XKR6: variants seen among roughly 807,000 people sequenced by gnomAD.
XKR6 encodes the protein XK related 6.
XKR6 carries 22 observed loss-of-function variants against 56.7 expected under a neutral mutation model. The observed-to-expected ratio is 0.39, with a 90% CI of 0.28 to 0.55. XKR6 has a LOEUF of 0.55. Among genes scored for constraint, XKR6 ranks in the 20% least tolerant of loss-of-function variants. The probability of loss-of-function intolerance (pLI) is 0.66; values close to 1 mark genes in which losing one functional copy is unlikely to be tolerated. For synonymous variants in XKR6, 524 were observed against 387.8 expected (o/e 1.35, Z -4.13); for missense variants, 852 against 889.0 (o/e 0.96, Z 0.53).
Position 10,966,071 on chromosome 8 carries a change from G to C in XKR6, c.765-41241C>G, listed in dbSNP as rs372565839. ...AACCTCGGGTACATCCAGATAACTT[G>C]GGTGGGGAGGAGGATTGCTAAAACA... On this transcript the variant is annotated intron_variant, in intron 1 of 2. Transcript: ENST00000416569. Among the ~76,000 whole-genome samples the C allele has an allele frequency of 4.6e-5, 7 of 152,322 alleles. No individual in the cohort carries two copies. The East Asian group carries it at 7.7e-4, about 17-fold the overall frequency.
At chr8:11,058,505 C>T (rs150560271) in intron 1 of XKR6, among the ~76,000 whole-genome samples, 1 of 152,074 alleles carries the variant, frequency 6.6e-6, no homozygotes. Context: ...TACTATGCAG[C>T]CATAAAAAAG....
At chr8:10,992,688 C>T (rs1280076526) in intron 1 of XKR6, among the ~76,000 whole-genome samples, 1 of 152,148 alleles carries the variant, frequency 6.6e-6, no homozygotes, top group Non-Finnish European at 1.5e-5. Context: ...GAACAATTCC[C>T]TGACCTCTTC....
intron 1 of XKR6, among the ~76,000 whole-genome samples, chr8:10,949,600 C>T (rs1219819181): frequency 6.6e-5 from 10 of 152,242 alleles, no homozygotes; most frequent in Non-Finnish European, 1.2e-4. Flanking sequence ...CGGGGTACAC[C>T]GTTAGTGCCC....
chr8:11,004,407 G>A (rs1392871901), intron 1 of XKR6, among the ~76,000 whole-genome samples: 1 of 152,148 alleles, frequency 6.6e-6, no homozygotes, highest in Non-Finnish European at 1.5e-5. Flanking sequence ...AGGAGGCGGA[G>A]GTTGCAGTGA....
chr8:11,052,643 C>A (rs1799580489), intron 1 of XKR6, among the ~76,000 whole-genome samples: 1 of 152,116 alleles, frequency 6.6e-6, no homozygotes, highest in Non-Finnish European at 1.5e-5. Flanking sequence ...TCTCTCTCCC[C>A]CTGGTTTTCT....
chr8:11,059,373 G>T (rs962801173), intron 1 of XKR6, among the ~76,000 whole-genome samples: 1 of 152,332 alleles, frequency 6.6e-6, no homozygotes, highest in South Asian at 2.1e-4. Context: ...TCCCTCTCCA[G>T]CCCCCAGCGA....
At chr8:11,065,332 C>G (rs1799947676) in intron 1 of XKR6, among the ~76,000 whole-genome samples, 1 of 152,192 alleles carries the variant, frequency 6.6e-6, no homozygotes. Context: ...TTCCCTTATT[C>G]TTTAGAAAAA....
rs778984644 is a variant in XKR6, at chr8:11,135,408, A to G, written c.764+65168T>C. Among the ~76,000 whole-genome samples, 9 of 152,234 alleles carry G rather than the reference A, an allele frequency of 5.9e-5. No homozygotes were observed. The South Asian group carries it at 1.4e-3, about 25-fold the overall frequency. ...ATTTAGAATCTACCCCAGGATAGAT[A>G]GAATAAAGTTACCAAAAGTTAATCA... is the stretch of plus-strand genomic sequence containing the variant. On this transcript the variant is annotated intron_variant, in intron 1 of 2. Transcript: ENST00000416569.
At chr8:10,947,854 AC>A (rs1201986743) in intron 1 of XKR6, among the ~76,000 whole-genome samples, 1 of 152,176 alleles carries the variant, frequency 6.6e-6, no homozygotes, top group African/African-American at 2.4e-5. Flanking sequence ...GGATGTGATC[AC>A]ACAGGTGTAG....
intron 2 of XKR6, among the ~76,000 whole-genome samples, chr8:10,914,438 C>G (rs1246785677): frequency 6.6e-6 from 1 of 152,136 alleles, no homozygotes; most frequent in Non-Finnish European, 1.5e-5. Context: ...GATCATTTAG[C>G]TGTAGTCTTT....
intron 1 of XKR6, among the ~76,000 whole-genome samples, chr8:11,049,124 T>C (rs1198481620): frequency 1.3e-5 from 2 of 152,224 alleles, no homozygotes; most frequent in African/African-American, 4.8e-5. Flanking sequence ...CTCTGGGTTC[T>C]GGGTTGCTCA....
chr8:11,028,032 G>A (rs907525645), intron 1 of XKR6, among the ~76,000 whole-genome samples: 8 of 151,908 alleles, frequency 5.3e-5, no homozygotes, highest in Admixed American at 2.0e-4. Flanking sequence ...GAATTTTGGC[G>A]AATGTATAAT....
chr8:10,951,122 C>T (rs764865933), intron 1 of XKR6, among the ~76,000 whole-genome samples: 1 of 152,216 alleles, frequency 6.6e-6, no homozygotes, highest in Non-Finnish European at 1.5e-5. Flanking sequence ...CAGTCCCTTG[C>T]AGCAGGTGCC....
intron 1 of XKR6, among the ~76,000 whole-genome samples, chr8:11,078,570 T>G (rs1344398489): frequency 6.6e-6 from 1 of 152,018 alleles, no homozygotes; most frequent in South Asian, 2.1e-4. Flanking sequence ...GGGAAGGAAG[T>G]GCAATGGGGT....
At chr8:11,130,744 AT>A (rs1401475446) in intron 1 of XKR6, among the ~76,000 whole-genome samples, 1 of 152,058 alleles carries the variant, frequency 6.6e-6, no homozygotes, top group African/African-American at 2.4e-5. Context: ...TGCTGAACAA[AT>A]AAGAAGTACG....
Position 11,201,265 on chromosome 8 carries a change from G to A in XKR6, c.75C>T (p.Gly25=), listed in dbSNP as rs1460914655. The stretch of plus-strand genomic sequence containing the variant: ...GCTCCCCGTCCTCCTCGCCGCCGCT[G>A]CCCACCGCCTCGTCCAGGTTGTGCA... ...AQLHNLDEAV[G]SGGEEDGEPG... Residue 25 remains glycine (G), a synonymous_variant, in exon 1 of 3, where the codon GGC becomes GGT. Coordinates refer to ENST00000416569, the MANE Select transcript of XKR6 (RefSeq NM_173683.4). 1.3e-6 allele frequency: 2 copies of A among 1,570,672 alleles called. No homozygotes were observed. Among genetic ancestry groups the A allele is most frequent in the African/African-American group, 2.8e-5 (2 of 72,148 alleles).
intron 1 of XKR6, among the ~76,000 whole-genome samples, chr8:11,195,744 G>A (rs1182952729): frequency 6.6e-6 from 1 of 151,490 alleles, no homozygotes; most frequent in Admixed American, 6.6e-5. Flanking sequence ...CACCTCCCGG[G>A]TTGACGCCAT....
Position 11,195,621 on chromosome 8 carries a change from ACTTTC to A in XKR6, c.764+4950_764+4954del, listed in dbSNP as rs1222119566. 2.0e-5 allele frequency among the ~76,000 whole-genome samples: 3 copies of A among 150,486 alleles called. No individual in the cohort carries two copies. In the East Asian group the frequency reaches 5.8e-4, roughly 29 times the overall value. ...ACTTTTCTTAGATCAATTTTACTCAACTTTCCCCTCAGAAAAATCCCACTGAGTTT... is the reference window on the plus strand; with the variant it reads ...ACTTTTCTTAGATCAATTTTACTCAACCCTCAGAAAAATCCCACTGAGTTT... On this transcript the variant is annotated intron_variant, in intron 1 of 2. Transcript: ENST00000416569.
chr8:11,113,089 T>G (rs1249278477), intron 1 of XKR6, among the ~76,000 whole-genome samples: 1 of 152,192 alleles, frequency 6.6e-6, no homozygotes, highest in Non-Finnish European at 1.5e-5. Context: ...AATTTAATTT[T>G]CTCACCATCT....
Sources: allele counts gnomAD v4.1 joint callset (sites outside exome capture counted in the v4.1 genomes callset), GRCh38; gene constraint gnomAD v4.1.1; transcripts MANE v1.5; gene names NCBI Gene and HGNC (gene_info 2026-07-23, HGNC 2026-07-21).